The following BTBD9 variants were observed in gnomAD, a reference collection of about 807,000 sequenced individuals.
The protein encoded by BTBD9 is BTB domain containing 9.
A neutral mutation model predicts 64.3 loss-of-function variants in BTBD9; 49 were observed. The ratio of observed to expected loss-of-function variants is 0.76; its 90% confidence interval spans 0.61 to 0.97. BTBD9 has a LOEUF of 0.97. BTBD9 is among the 50% of genes least tolerant of loss of function. The probability of loss-of-function intolerance (pLI) is 0.00; values close to 1 mark genes in which losing one functional copy is unlikely to be tolerated. For missense variants in BTBD9, 598 were observed against 762.1 expected (o/e 0.78, Z 2.53); for synonymous variants, 260 against 274.7 (o/e 0.95, Z 0.53).
At chr6:38,465,242 C>A (rs1165109259) in intron 6 of BTBD9, among the ~76,000 whole-genome samples, 1 of 151,488 alleles carries the variant, frequency 6.6e-6, no homozygotes, top group African/African-American at 2.4e-5. Context: ...CTGCAGTGAG[C>A]CTTCATTGCG....
intron 4 of BTBD9, among the ~76,000 whole-genome samples, chr6:38,582,165 GTA>G (rs1427617072): frequency 6.6e-6 from 1 of 152,166 alleles, no homozygotes; most frequent in East Asian, 1.9e-4. Context: ...GCAAAAGACT[GTA>G]GCAACCCAGC....
At chr6:38,276,435 A>G (rs975425444) in intron 8 of BTBD9, among the ~76,000 whole-genome samples, 6 of 152,110 alleles carry the variant, frequency 3.9e-5, no homozygotes, top group African/African-American at 7.2e-5. Context: ...CCGACATGGC[A>G]CATGTATACA....
At chr6:38,349,944 TAAGCATG>T (rs1764436366) in intron 6 of BTBD9, among the ~76,000 whole-genome samples, 1 of 152,198 alleles carries the variant, frequency 6.6e-6, no homozygotes, top group African/African-American at 2.4e-5. Flanking sequence ...CTGTCTTAGC[TAAGCATG>T]AGGAAGCAAG....
At chr6:38,592,181 C>CAAA (rs199989280) in intron 4 of BTBD9, among the ~76,000 whole-genome samples, 21 of 110,744 alleles carry the variant, frequency 1.9e-4, no homozygotes, top group African/African-American at 6.0e-4. Context: ...AACTCCATCT[C>CAAA]AAAAAAAAAA....
chr6:38,513,898 T>C (rs978918575), intron 6 of BTBD9, among the ~76,000 whole-genome samples: 1 of 152,220 alleles, frequency 6.6e-6, no homozygotes, highest in African/African-American at 2.4e-5. Flanking sequence ...GAGTCTTGAC[T>C]GTAGAAACAA....
At chr6:38,374,309 A>ATATATATATATATATGTATATATATG (rs1765580733) in intron 6 of BTBD9, among the ~76,000 whole-genome samples, 1 of 105,690 alleles carries the variant, frequency 9.5e-6, no homozygotes, top group Non-Finnish European at 1.9e-5. Context: ...ATATATATGT[A>ATATATATATATATATGTATATATATG]TATATATATA....
chr6:38,178,770 CCACA>C (rs895573313), intron 10 of BTBD9, among the ~76,000 whole-genome samples: 1 of 152,066 alleles, frequency 6.6e-6, no homozygotes, highest in Non-Finnish European at 1.5e-5. Flanking sequence ...GGGGCAGAGG[CCACA>C]CCCAATGGGA....
At chr6:38,206,552 C>G (rs1346576363) in intron 9 of BTBD9, among the ~76,000 whole-genome samples, 1 of 151,580 alleles carries the variant, frequency 6.6e-6, no homozygotes, top group Admixed American at 6.6e-5. Context: ...CTTTTTAACT[C>G]TAGGGAAAAC....
chr6:38,453,653 T>C (rs1484761892), intron 6 of BTBD9, among the ~76,000 whole-genome samples: 1 of 152,140 alleles, frequency 6.6e-6, no homozygotes, highest in Non-Finnish European at 1.5e-5. Flanking sequence ...GCCTGACAAC[T>C]GGATAGATTC....
intron 6 of BTBD9, among the ~76,000 whole-genome samples, chr6:38,498,719 G>A (rs369839530): frequency 1.1e-4 from 16 of 152,002 alleles, no homozygotes; most frequent in East Asian, 5.8e-4. Context: ...AAGAAGCCCC[G>A]GACCACTCCT....
intron 10 of BTBD9, among the ~76,000 whole-genome samples, chr6:38,191,519 C>T (rs941424569): frequency 2.0e-5 from 3 of 152,230 alleles, no homozygotes; most frequent in African/African-American, 7.2e-5. Flanking sequence ...GGCACAGGGA[C>T]ACCCCACTGC....
chr6:38,577,819 T>C (rs1450541854), intron 5 of BTBD9, 100 bp from the exon 6 acceptor site: 6 of 1,042,246 alleles, frequency 5.8e-6, no homozygotes, highest in African/African-American at 1.6e-5. Flanking sequence ...AAATACAGAA[T>C]TCACTAATTA....
At chr6:38,320,540 G>A (rs1198847546) in intron 7 of BTBD9, among the ~76,000 whole-genome samples, 1 of 152,068 alleles carries the variant, frequency 6.6e-6, no homozygotes, top group African/African-American at 2.4e-5. Context: ...ACAAGGCAAT[G>A]GACTAGAAAG....
chr6:38,205,507 A>T (rs749816013), intron 9 of BTBD9, among the ~76,000 whole-genome samples: 1 of 152,192 alleles, frequency 6.6e-6, no homozygotes, highest in Non-Finnish European at 1.5e-5. Context: ...GGCATAAAAA[A>T]AATTCACCTT....
intron 6 of BTBD9, among the ~76,000 whole-genome samples, chr6:38,376,653 C>T (rs369481288): frequency 3.9e-4 from 59 of 152,186 alleles, no homozygotes; most frequent in Admixed American, 1.5e-3. Context: ...CCTAAAAAAC[C>T]TCCTAACACC....
chr6:38,360,753 C>G (rs912990114), intron 6 of BTBD9, among the ~76,000 whole-genome samples: 2 of 152,106 alleles, frequency 1.3e-5, no homozygotes, highest in Non-Finnish European at 2.9e-5. Context: ...AGTCTACACT[C>G]AACTGGGATG....
chr6:38,301,557 A>C, intron 7 of BTBD9, among the ~76,000 whole-genome samples: 1 of 152,196 alleles, frequency 6.6e-6, no homozygotes, highest in East Asian at 1.9e-4. Flanking sequence ...TGGTCTATTC[A>C]GAGATTCAAC....
intron 1 of BTBD9, among the ~76,000 whole-genome samples, chr6:38,632,212 C>A (rs1051308088): frequency 6.6e-6 from 1 of 152,196 alleles, no homozygotes; most frequent in Non-Finnish European, 1.5e-5. Flanking sequence ...TTTGATTTAA[C>A]AGTTATTCCA....
At chr6:38,456,792 C>T (rs944002227) in intron 6 of BTBD9, among the ~76,000 whole-genome samples, 7 of 152,026 alleles carry the variant, frequency 4.6e-5, no homozygotes, top group African/African-American at 1.5e-4. Flanking sequence ...CAAATACTTC[C>T]CCCCCAAACT....
Sources: allele counts gnomAD v4.1 joint callset (sites outside exome capture counted in the v4.1 genomes callset), GRCh38; gene constraint gnomAD v4.1.1; transcripts MANE v1.5; gene names NCBI Gene and HGNC (gene_info 2026-07-23, HGNC 2026-07-21).